The following TMEM65 variants were observed in gnomAD, a reference collection of about 807,000 sequenced individuals.
TMEM65 encodes the protein transmembrane protein 65.
In TMEM65, 22 loss-of-function variants were observed where a neutral mutation model predicts 25.4. The ratio of observed to expected loss-of-function variants is 0.86; its 90% CI spans 0.62 to 1.23. The LOEUF (loss-of-function observed/expected upper bound fraction) is 1.23. Ranked by LOEUF, TMEM65 falls within the 50% of genes most tolerant of loss-of-function variation. The pLI, the probability that TMEM65 is intolerant of heterozygous loss-of-function variation, is 0.00. For missense variants in TMEM65, 262 were observed against 308.2 expected, an observed-to-expected ratio of 0.85 and a Z score of 1.12; for synonymous variants, 132 against 126.2, an observed-to-expected ratio of 1.05 and a Z score of -0.31.
chr8:124,355,711 C>T (rs1342717783), intron 1 of TMEM65, among the ~76,000 whole-genome samples: 1 of 152,166 alleles, frequency 6.6e-6, no homozygotes, highest in Non-Finnish European at 1.5e-5. Context: ...ATTTCTAAAC[C>T]ATAAGAGAAC....
intron 6 of TMEM65, among the ~76,000 whole-genome samples, chr8:124,316,290 T>C (rs1814236626): frequency 6.6e-6 from 1 of 152,216 alleles, no homozygotes; most frequent in Non-Finnish European, 1.5e-5. Flanking sequence ...GTCCCATCTG[T>C]AATACTGTTT....
intron 1 of TMEM65, among the ~76,000 whole-genome samples, chr8:124,360,601 T>C (rs1363089824): frequency 6.6e-6 from 1 of 152,168 alleles, no homozygotes; most frequent in African/African-American, 2.4e-5. Flanking sequence ...AGCTGGGCCT[T>C]TACCAACAAC....
chr8:124,319,456 G>A (rs1586456039), intron 6 of TMEM65, among the ~76,000 whole-genome samples: 2 of 152,170 alleles, frequency 1.3e-5, no homozygotes, highest in South Asian at 4.2e-4. Context: ...GTTGTCTCCT[G>A]CTGCTGCTTA....
chr8:124,349,624 T>A (rs1268596326), intron 1 of TMEM65, among the ~76,000 whole-genome samples: 1 of 152,182 alleles, frequency 6.6e-6, no homozygotes. Context: ...AGTCACTAAA[T>A]CTTCAGCAGG....
At chr8:124,331,839 C>T (rs1446656967) in intron 1 of TMEM65, among the ~76,000 whole-genome samples, 2 of 151,750 alleles carry the variant, frequency 1.3e-5, no homozygotes, top group Non-Finnish European at 2.9e-5. Flanking sequence ...TTTATAACAA[C>T]AAAAGAACTA....
Position 124,310,431 on chromosome 8 carries a change from G to C in TMEM65, c.*3529C>G, listed in dbSNP as rs1318242442. 1.3e-5 allele frequency: 2 copies of C among 152,140 alleles called. No homozygotes were observed. Among genetic ancestry groups the C allele is most frequent in the Non-Finnish European group, 2.9e-5 (2 of 68,014 alleles). The allele number at this position is 152,140 out of a possible 1,614,324, so 9.4% of individuals were successfully genotyped here. A position where few individuals can be genotyped will look rare whatever the true frequency, so the allele number is the denominator to read the frequency against. On this transcript the variant is annotated 3_prime_UTR_variant, in exon 7 of 7. Transcript: ENST00000297632. ...ACATTGCAAAGCCCATGCAACTGAT[G>C]TCCCTACTGCCTAGCAGTTAAGAAG...
chr8:124,354,199 C>G (rs550130831), intron 1 of TMEM65, among the ~76,000 whole-genome samples: 4 of 152,252 alleles, frequency 2.6e-5, no homozygotes, highest in Non-Finnish European at 5.9e-5. Context: ...CAATGCAACT[C>G]AAGGGGAAGA....
chr8:124,371,717 G>A, intron 1 of TMEM65, 137 bp downstream of exon 1: 1 of 862,124 alleles, frequency 1.2e-6, no homozygotes, highest in Non-Finnish European at 1.6e-6. Flanking sequence ...CCAGGCGTGG[G>A]GCCAGACAGG....
chr8:124,371,654 T>C (rs1027142995), intron 1 of TMEM65, among the ~76,000 whole-genome samples, 200 bp downstream of exon 1: 20 of 152,144 alleles, frequency 1.3e-4, no homozygotes, highest in African/African-American at 4.6e-4. Flanking sequence ...GCGCCCGTCC[T>C]ACCTGCCTGG....
intron 2 of TMEM65, among the ~76,000 whole-genome samples, chr8:124,329,498 ATTAAG>A (rs757069586): frequency 2.2e-4 from 34 of 152,136 alleles, no homozygotes; most frequent in South Asian, 4.1e-4. Flanking sequence ...TGATAAGCCC[ATTAAG>A]TTAAGATTAC....
At chr8:124,371,742 G>C in intron 1 of TMEM65, 112 bp downstream of exon 1, 1 of 1,082,410 alleles carries the variant, frequency 9.2e-7, no homozygotes, top group Non-Finnish European at 1.2e-6. Context: ...GGGGGCGGAA[G>C]GGGGGCGGCG....
chr8:124,330,171 T>TA (rs1814413958), intron 2 of TMEM65, among the ~76,000 whole-genome samples: 1 of 151,954 alleles, frequency 6.6e-6, no homozygotes, highest in Non-Finnish European at 1.5e-5. Context: ...ACTATACTGT[T>TA]AAATAATTCA....
chr8:124,350,566 A>T (rs904014900), intron 1 of TMEM65, among the ~76,000 whole-genome samples: 1 of 151,978 alleles, frequency 6.6e-6, no homozygotes. Flanking sequence ...GGATGAATCT[A>T]AAAAACTTTC....
chr8:124,351,071 C>G (rs1814700811), intron 1 of TMEM65: 1 of 985,026 alleles, frequency 1.0e-6, no homozygotes, highest in South Asian at 4.7e-5. Flanking sequence ...GAGGATACTT[C>G]CTTCGCAAGC....
intron 1 of TMEM65, 25 bp downstream of exon 1, chr8:124,371,829 C>A: frequency 6.7e-7 from 1 of 1,499,122 alleles, no homozygotes; most frequent in Non-Finnish European, 8.8e-7. Flanking sequence ...GGCCCCCGGG[C>A]TCGCCCCCCA....
intron 1 of TMEM65, among the ~76,000 whole-genome samples, chr8:124,355,383 T>C (rs1814765940): frequency 6.6e-6 from 1 of 152,222 alleles, no homozygotes; most frequent in African/African-American, 2.4e-5. Context: ...AATTCAAGCA[T>C]GCCTGAAGCT....
chr8:124,340,735 G>A (rs529368691), intron 1 of TMEM65, among the ~76,000 whole-genome samples: 1 of 152,082 alleles, frequency 6.6e-6, no homozygotes, highest in Non-Finnish European at 1.5e-5. Flanking sequence ...CCATGTGAAC[G>A]ATGTCTTCCC....
At chr8:124,339,448 C>T (rs997190722) in intron 1 of TMEM65, among the ~76,000 whole-genome samples, 3 of 151,416 alleles carry the variant, frequency 2.0e-5, no homozygotes, top group African/African-American at 7.3e-5. Context: ...CTCTCTGAAC[C>T]TTTTAAGGTT....
chr8:124,330,132 T>G (rs926932669), intron 2 of TMEM65, among the ~76,000 whole-genome samples: 2 of 151,952 alleles, frequency 1.3e-5, no homozygotes, highest in Admixed American at 1.3e-4. Flanking sequence ...GTTTCATATT[T>G]AGCTTTAATT....
Sources: allele counts gnomAD v4.1 joint callset (sites outside exome capture counted in the v4.1 genomes callset), GRCh38; gene constraint gnomAD v4.1.1; transcripts MANE v1.5; gene names NCBI Gene and HGNC (gene_info 2026-07-23, HGNC 2026-07-21).